Variants in ADH5 observed in about 807,000 individuals in gnomAD.
ADH5 encodes alcohol dehydrogenase class-3.
In ADH5, 32 loss-of-function variants were observed where a neutral mutation model predicts 40.3. The ratio of observed to expected loss-of-function variants is 0.79; its 90% CI spans 0.60 to 1.07. The LOEUF is 1.07. Ranked by LOEUF, ADH5 falls within the 50% of genes least tolerant of loss-of-function variation. The pLI is 0.00. For missense variants in ADH5, 353 were observed against 460.5 expected (o/e 0.77, Z 2.14); for synonymous variants, 125 against 154.3 (o/e 0.81, Z 1.41).
At chr4:99,083,431 C>T (rs1479581853) in intron 2 of ADH5, among the ~76,000 whole-genome samples, 1 of 151,698 alleles carries the variant, frequency 6.6e-6, no homozygotes, top group East Asian at 1.9e-4. Context: ...GAAACTCCGT[C>T]TCTACTAACA....
At chr4:99,086,514 A>C (rs1271652946) in intron 1 of ADH5, among the ~76,000 whole-genome samples, 1 of 152,236 alleles carries the variant, frequency 6.6e-6, no homozygotes, top group Non-Finnish European at 1.5e-5. Context: ...CAAAAAAAGT[A>C]GGTTAAGAGT....
intron 1 of ADH5, among the ~76,000 whole-genome samples, chr4:99,086,478 A>G (rs1321153608): frequency 1.3e-5 from 2 of 152,194 alleles, no homozygotes; most frequent in Admixed American, 1.3e-4. Context: ...TGATTTAAAG[A>G]GACAGGCACA....
chr4:99,073,424 C>T (rs923689461), intron 7 of ADH5, among the ~76,000 whole-genome samples: 9 of 152,254 alleles, frequency 5.9e-5, no homozygotes, highest in East Asian at 1.9e-4. Context: ...GTGATCCACC[C>T]GCCTCAGCCT....
chr4:99,077,999 T>C (rs1560753927), intron 4 of ADH5, among the ~76,000 whole-genome samples: 2 of 152,230 alleles, frequency 1.3e-5, no homozygotes, highest in Non-Finnish European at 2.9e-5. Context: ...TGAGATGTTA[T>C]ATGAGGCTTT....
chr4:99,076,504 A>G lies in ADH5; in HGVS notation c.613T>C (p.Leu205=), dbSNP rs747412105. 1.7e-5 allele frequency: 27 copies of G among 1,614,044 alleles called. No individual in the cohort carries two copies. In the South Asian group the frequency reaches 2.3e-4, roughly 14 times the overall value. Residue 205 remains leucine (L), a synonymous_variant, in exon 6 of 9, where the codon TTG becomes CTG. Coordinates refer to ENST00000296412, the MANE Select transcript of ADH5 (RefSeq NM_000671.4). ...ACTTTACAGCCCATGATAACTGCCA[A>G]TCCGACTCCTCCCAGACCAAAGACG... ...CAVFGLGGVG[L]AVIMGCKVAG... is the part of the protein sequence containing the mutation.
In ADH5 at chr4:99,088,553, G is replaced by A. The variant is rs541928142; in HGVS notation, c.12+136C>T. The stretch of plus-strand genomic sequence containing the variant: ...TTTCTGCCCCTCTGAGCCGCTCGCT[G>A]GGGGCCCAGTTTCAGAACCAAGAGC... On this transcript the variant is annotated intron_variant, in intron 1 of 8. Transcript: ENST00000296412. 1.3e-4 allele frequency: 114 copies of A among 875,248 alleles called. No homozygotes were observed. The African/African-American group carries it at 1.4e-3, about 11-fold the overall frequency. The allele number at this position is 875,248 out of a possible 1,614,324, so 54.2% of individuals were successfully genotyped here.
rs755193365 is a variant in ADH5 at position 99,073,997 on chromosome 4, T to C, written c.961+917A>G. 2.6e-5 allele frequency among the ~76,000 whole-genome samples: 4 copies of C among 152,204 alleles called. 1 individual carries two copies. In the South Asian group the frequency reaches 6.2e-4, roughly 24 times the overall value. On this transcript the variant is annotated intron_variant, in intron 7 of 8. Coordinates refer to ENST00000296412, the MANE Select transcript of ADH5 (RefSeq NM_000671.4). Reference sequence around the variant, plus strand: ...GCTTTGAAGAGGAGGTCAAGTCAGATTGACATCTTCTAAGGCAAATTCTGT... The same window carrying C: ...GCTTTGAAGAGGAGGTCAAGTCAGACTGACATCTTCTAAGGCAAATTCTGT...
In ADH5 at chr4:99,074,970, G is replaced by T; in HGVS notation, c.905C>A (p.Ala302Asp). Residue 302 changes from alanine (A) to aspartate (D), a missense_variant, in exon 7 of 9, where the codon GCC becomes GAC. Transcript: ENST00000296412. ...VGVAASGEEIATRPFQLVTGR... is the reference protein window; with the variant it reads ...VGVAASGEEIDTRPFQLVTGR... ...TGTTACCAGCTGGAATGGACGAGTGGCAATTTCTTCACCTGAAGCAGCTAC... is the reference window on the plus strand; with the variant it reads ...TGTTACCAGCTGGAATGGACGAGTGTCAATTTCTTCACCTGAAGCAGCTAC... 6.2e-7 allele frequency: 1 copy of T among 1,613,102 alleles called. No individual in the cohort carries two copies. Among genetic ancestry groups the T allele is most frequent in the East Asian group, 2.2e-5 (1 of 44,842 alleles).
intron 2 of ADH5, among the ~76,000 whole-genome samples, chr4:99,084,707 G>C (rs1438456593): frequency 6.6e-6 from 1 of 152,026 alleles, no homozygotes; most frequent in Admixed American, 6.6e-5. Flanking sequence ...TCTTTCTTGC[G>C]TGAGGTACAA....
chr4:99,076,398 C>A lies in ADH5; in HGVS notation c.719G>T (p.Cys240Phe). The change falls in exon 6 of 9, where the codon TGT (cysteine) becomes TTT (phenylalanine). Residue 240 changes from cysteine to phenylalanine, a missense_variant. Physicochemically the swap from Cys to Phe is radical, Grantham distance 205 (BLOSUM62 -2). Transcript: ENST00000296412. ...ARAKEFGATE[C>F]INPQDFSKPI... Reference sequence around the variant, plus strand: ...TTTACTAAAATCCTGAGGGTTAATACATTCAGTGGCTCCAAACTCTTTGGC... The same window carrying A: ...TTTACTAAAATCCTGAGGGTTAATAAATTCAGTGGCTCCAAACTCTTTGGC... 1 of 1,614,170 alleles carries A rather than the reference C, an allele frequency of 6.2e-7. No individual in the cohort carries two copies. Among genetic ancestry groups the A allele is most frequent in the Non-Finnish European group, 8.5e-7 (1 of 1,180,020 alleles).
rs1352457611 is a variant in ADH5, at chr4:99,076,561, A to G, written c.565-9T>C. On this transcript the variant is annotated splice_polypyrimidine_tract_variant and intron_variant, in intron 5 of 8. Coordinates refer to ENST00000296412, the MANE Select transcript of ADH5 (RefSeq NM_000671.4). ...ACAGAGCCAGGCTCCAACTAGGAGT[A>G]AAGAAAGTTTATAAAGTACTCATTC... The G allele has an allele frequency of 6.2e-7, 1 of 1,611,156 alleles. No homozygotes were observed. The highest frequency in any genetic ancestry group is 1.7e-5 in the Admixed American group (1 of 59,452).
chr4:99,084,007 G>A (rs1728080857), intron 2 of ADH5, among the ~76,000 whole-genome samples: 1 of 152,140 alleles, frequency 6.6e-6, no homozygotes, highest in Admixed American at 6.5e-5. Flanking sequence ...GTCCGCCAGG[G>A]TGGGTGCATT....
intron 1 of ADH5, among the ~76,000 whole-genome samples, chr4:99,087,033 A>G (rs1027607191): frequency 9.9e-5 from 15 of 151,354 alleles, no homozygotes; most frequent in Non-Finnish European, 1.9e-4. Context: ...AGTTATTGGT[A>G]GCAACAGAAC....
In ADH5 at chr4:99,072,388, C is replaced by T. The variant is rs745677169; in HGVS notation, c.*29G>A. On this transcript the variant is annotated 3_prime_UTR_variant, in exon 9 of 9. Coordinates refer to ENST00000296412, the MANE Select transcript of ADH5 (RefSeq NM_000671.4). ...TTAAGCTGCTCCTATCACATCACGA[C>T]AGGATGGACATTATTTTTCTCTTTT... is the stretch of plus-strand genomic sequence containing the variant. The T allele has an allele frequency of 9.3e-6, 15 of 1,610,152 alleles. No homozygotes were observed. The East Asian group carries it at 2.9e-4, about 31-fold the overall frequency.
intron 2 of ADH5, among the ~76,000 whole-genome samples, chr4:99,084,736 G>A (rs1054019647): frequency 3.9e-5 from 6 of 152,182 alleles, no homozygotes; most frequent in African/African-American, 1.4e-4. Context: ...TCTGGGGTCA[G>A]AATAAGGACC....
At chr4:99,088,626 G>T (rs1209866182) in intron 1 of ADH5, 63 bp downstream of exon 1, 46 of 1,546,740 alleles carry the variant, frequency 3.0e-5, no homozygotes, top group Admixed American at 7.5e-5. Flanking sequence ...GAGGATAGCA[G>T]CCTAGTCCCA....
At chr4:99,073,909 C>T (rs1021668101) in intron 7 of ADH5, among the ~76,000 whole-genome samples, 4 of 152,184 alleles carry the variant, frequency 2.6e-5, no homozygotes, top group African/African-American at 4.8e-5. Context: ...AATGATACCC[C>T]CGAATAGCAT....
At chr4:99,082,205 C>T (rs1422436277) in intron 2 of ADH5, 89 bp from the exon 3 acceptor site, 2 of 1,339,136 alleles carry the variant, frequency 1.5e-6, no homozygotes, top group East Asian at 4.9e-5. Context: ...TATTATAATA[C>T]TATATTTCAT....
In ADH5 at chr4:99,072,680, C is replaced by T; in HGVS notation, c.993G>A (p.Leu331=). The T allele has an allele frequency of 6.2e-7, 1 of 1,612,632 alleles. No homozygotes were observed. The highest frequency in any genetic ancestry group is 1.1e-5 in the South Asian group (1 of 90,612). ...GWKSVESVPK[L]VSEYMSKKIK... is the part of the protein sequence containing the mutation. ...TCTTTTTGGACATATATTCAGACAC[C>T]AACTTTGGGACACTTTCTACACTCT... Residue 331 remains leucine, a synonymous_variant, in exon 8 of 9, where the codon TTG becomes TTA. Coordinates refer to ENST00000296412, the MANE Select transcript of ADH5 (RefSeq NM_000671.4).
Sources: allele counts gnomAD v4.1 joint callset (sites outside exome capture counted in the v4.1 genomes callset), GRCh38; gene constraint gnomAD v4.1.1; transcripts MANE v1.5; gene names NCBI Gene and HGNC (gene_info 2026-07-23, HGNC 2026-07-21).